QNG1: variants seen among roughly 807,000 people sequenced by gnomAD.
QNG1 encodes queuosine 5'-phosphate N-glycosylase/hydrolase.
the QNG1 span, among the ~76,000 whole-genome samples, chr9:83,948,525 C>A: frequency 6.7e-6 from 1 of 148,178 alleles, no homozygotes; most frequent in East Asian, 2.1e-4. Context: ...GGGGGGGCGC[C>A]TCTGCCTGGC....
At chr9:83,946,099 G>T in the QNG1 span, among the ~76,000 whole-genome samples, 15 of 151,970 alleles carry the variant, frequency 9.9e-5, no homozygotes, top group Non-Finnish European at 2.1e-4. Flanking sequence ...GAGGTCAGGA[G>T]TTCGAGACCA....
chr9:83,944,976 G>A, the QNG1 span: 1 of 1,603,382 alleles, frequency 6.2e-7, no homozygotes, highest in South Asian at 1.1e-5. Context: ...TTTGTAAAAA[G>A]AAACTCTTTT....
At chr9:83,945,319 T>G in the QNG1 span, among the ~76,000 whole-genome samples, 2 of 150,256 alleles carry the variant, frequency 1.3e-5, no homozygotes, top group African/African-American at 2.5e-5. Context: ...GAGAATCGCA[T>G]GAGCCTGGGA....
At chr9:83,940,116 T>C in the QNG1 span, among the ~76,000 whole-genome samples, 1 of 152,056 alleles carries the variant, frequency 6.6e-6, no homozygotes, top group Admixed American at 6.6e-5. Flanking sequence ...GAAATAAAAT[T>C]ATTGTAGGCT....
At chr9:83,955,027 G>A in the QNG1 span, among the ~76,000 whole-genome samples, 8 of 151,488 alleles carry the variant, frequency 5.3e-5, no homozygotes, top group Non-Finnish European at 1.2e-4. Context: ...GTGAAACCCC[G>A]TCTCTACTAA....
chr9:83,953,158 C>T, the QNG1 span, among the ~76,000 whole-genome samples: 5 of 151,946 alleles, frequency 3.3e-5, no homozygotes, highest in African/African-American at 1.2e-4. Context: ...ATCCCAGCTA[C>T]TTGGGAGACT....
At chr9:83,956,202 C>T in the QNG1 span, 1 of 1,613,216 alleles carries the variant, frequency 6.2e-7, no homozygotes, top group South Asian at 1.1e-5. Flanking sequence ...GCACAGGGAC[C>T]AGTACCCACT....
the QNG1 span, among the ~76,000 whole-genome samples, chr9:83,948,553 G>A: frequency 2.0e-5 from 3 of 152,136 alleles, no homozygotes; most frequent in African/African-American, 7.2e-5. Flanking sequence ...TCTGGGAAGT[G>A]AGGAGCCCTT....
the QNG1 span, among the ~76,000 whole-genome samples, chr9:83,950,074 G>C: frequency 6.8e-6 from 1 of 148,102 alleles, no homozygotes; most frequent in Non-Finnish European, 1.5e-5. Context: ...TTTGGAGACG[G>C]AGTCTTGCTC....
the QNG1 span, among the ~76,000 whole-genome samples, chr9:83,951,185 G>A: frequency 2.6e-5 from 4 of 152,162 alleles, no homozygotes; most frequent in South Asian, 4.1e-4. Context: ...TGGGAGAATC[G>A]CTTCAACTTG....
chr9:83,955,506 T>C, the QNG1 span: 1 of 1,614,124 alleles, frequency 6.2e-7, no homozygotes, highest in Non-Finnish European at 8.5e-7. Context: ...TCCAGCAGAA[T>C]TTTCCCGGTT....
chr9:83,955,255 G>T, the QNG1 span: 2 of 941,888 alleles, frequency 2.1e-6, no homozygotes, highest in Non-Finnish European at 3.1e-6. Flanking sequence ...ACTTGATTTT[G>T]TTAGTTTCTT....
At chr9:83,953,857 A>G in the QNG1 span, 1 of 1,485,652 alleles carries the variant, frequency 6.7e-7, no homozygotes, top group Non-Finnish European at 9.2e-7. Flanking sequence ...TGTATGAAAA[A>G]GAAAACACAA....
chr9:83,953,247 AAAAATTG>A, the QNG1 span, among the ~76,000 whole-genome samples: 1 of 152,278 alleles, frequency 6.6e-6, no homozygotes, highest in South Asian at 2.1e-4. Flanking sequence ...TACATTTTTT[AAAAATTG>A]AACTTTTCAG....
the QNG1 span, chr9:83,956,321 G>T: frequency 6.2e-7 from 1 of 1,613,888 alleles, no homozygotes; most frequent in Non-Finnish European, 8.5e-7. Flanking sequence ...CGGCCTCGTC[G>T]GCCGCCCTGG....
the QNG1 span, among the ~76,000 whole-genome samples, chr9:83,944,347 G>A: frequency 0.01 from 1,597 of 152,208 alleles, 28 homozygotes; most frequent in African/African-American, 0.036. Flanking sequence ...CAATAATGGC[G>A]AATAAGCCTA....
chr9:83,955,463 C>T, the QNG1 span: 5 of 1,614,154 alleles, frequency 3.1e-6, no homozygotes, highest in Middle Eastern at 1.6e-4. Context: ...CTCACTTTCT[C>T]GGACGCAGTT....
chr9:83,943,204 G>C, the QNG1 span, among the ~76,000 whole-genome samples: 6 of 151,980 alleles, frequency 3.9e-5, no homozygotes, highest in African/African-American at 1.2e-4. Flanking sequence ...GCCAGGCATC[G>C]TGGCATGCGC....
the QNG1 span, among the ~76,000 whole-genome samples, chr9:83,952,524 G>A: frequency 1.3e-5 from 2 of 151,762 alleles, no homozygotes; most frequent in African/African-American, 2.4e-5. Context: ...GGCCAGGTGC[G>A]GTGGCTCACG....
Sources: allele counts gnomAD v4.1 joint callset (sites outside exome capture counted in the v4.1 genomes callset), GRCh38; gene constraint gnomAD v4.1.1; transcripts MANE v1.5; gene names NCBI Gene and HGNC (gene_info 2026-07-23, HGNC 2026-07-21).